The following CDH20 variants were observed in gnomAD, a reference collection of about 807,000 sequenced individuals.
The protein encoded by CDH20 is cadherin-20.
Under a neutral mutation model 74.2 loss-of-function variants are expected in CDH20, and 29 were observed. The ratio of observed to expected loss-of-function variants is 0.39; its 90% CI spans 0.29 to 0.53. The LOEUF is 0.53. Among genes scored for constraint, CDH20 ranks in the 20% least tolerant of loss-of-function variants. CDH20 has a pLI of 0.69. For synonymous variants in CDH20, 469 were observed against 405.4 expected, an observed-to-expected ratio of 1.16 and a Z score of -1.88; for missense variants, 988 against 1,048.3, an observed-to-expected ratio of 0.94 and a Z score of 0.79.
chr18:61,523,088 C>A (rs1912267550), intron 6 of CDH20, among the ~76,000 whole-genome samples: 1 of 152,142 alleles, frequency 6.6e-6, no homozygotes, highest in African/African-American at 2.4e-5. Flanking sequence ...TAAAGAGCTT[C>A]TGCACAGCAA....
chr18:61,534,201 G>A (rs906813301), intron 7 of CDH20, among the ~76,000 whole-genome samples: 3 of 152,190 alleles, frequency 2.0e-5, no homozygotes, highest in African/African-American at 7.2e-5. Context: ...ACCTCACAAC[G>A]TTAGAACGTC....
chr18:61,383,057 G>C (rs1160739101), intron 1 of CDH20, among the ~76,000 whole-genome samples: 4 of 152,138 alleles, frequency 2.6e-5, no homozygotes, highest in African/African-American at 9.7e-5. Flanking sequence ...CTATGACATA[G>C]AGTTATATTT....
intron 10 of CDH20, among the ~76,000 whole-genome samples, chr18:61,549,263 T>C (rs984554045): frequency 1.1e-4 from 16 of 152,310 alleles, no homozygotes; most frequent in East Asian, 9.6e-4. Context: ...ATCTAATAAT[T>C]TGACTAATCC....
intron 1 of CDH20, among the ~76,000 whole-genome samples, chr18:61,427,297 A>T (rs1913105448): frequency 6.6e-6 from 1 of 152,176 alleles, no homozygotes; most frequent in Non-Finnish European, 1.5e-5. Context: ...TATCCTCATG[A>T]CAACCCAGTG....
chr18:61,523,096 C>T (rs1380807110), intron 6 of CDH20, among the ~76,000 whole-genome samples: 2 of 151,848 alleles, frequency 1.3e-5, no homozygotes, highest in Middle Eastern at 3.4e-3. Context: ...TTCTGCACAG[C>T]AAAAGAAACT....
At chr18:61,473,271 G>GATGTATCAGA (rs375471922) in intron 1 of CDH20, among the ~76,000 whole-genome samples, 2 of 152,318 alleles carry the variant, frequency 1.3e-5, no homozygotes, top group East Asian at 1.9e-4. Flanking sequence ...GAATCCGTCT[G>GATGTATCAGA]ATGTATCAGA....
intron 1 of CDH20, among the ~76,000 whole-genome samples, chr18:61,336,760 T>C (rs997083377): frequency 2.1e-5 from 3 of 140,022 alleles, no homozygotes; most frequent in Admixed American, 7.5e-5. Context: ...AGGAAAAACG[T>C]AAAGAGACAC....
Position 61,491,766 on chromosome 18 carries a change from G to A in CDH20, c.246+967G>A, listed in dbSNP as rs577506255. Among the ~76,000 whole-genome samples the A allele has an allele frequency of 1.6e-4, 24 of 152,174 alleles. No individual in the cohort carries two copies. In the Middle Eastern group the frequency reaches 0.01, roughly 65 times the overall value. ...AAGCTGTGTTTTCATTGCTTCTCAA[G>A]ACCTCTCTACTGCCCAATCACACCT... On this transcript the variant is annotated intron_variant, in intron 2 of 11. Transcript: ENST00000262717.
At chr18:61,408,556 G>A (rs1002157346) in intron 1 of CDH20, among the ~76,000 whole-genome samples, 2 of 152,094 alleles carry the variant, frequency 1.3e-5, no homozygotes, top group Non-Finnish European at 2.9e-5. Context: ...CTTCATAGAG[G>A]TGGCCACAGA....
intron 1 of CDH20, among the ~76,000 whole-genome samples, chr18:61,414,296 T>C (rs1011794345): frequency 1.1e-4 from 16 of 152,200 alleles, no homozygotes; most frequent in East Asian, 1.9e-4. Flanking sequence ...TCTTGTTACA[T>C]GCAGCTTGAT....
At chr18:61,378,489 C>T (rs542254929) in intron 1 of CDH20, among the ~76,000 whole-genome samples, 40 of 152,290 alleles carry the variant, frequency 2.6e-4, no homozygotes, top group African/African-American at 8.7e-4. Context: ...TGCCTGCTCG[C>T]GTTGGACAGA....
At chr18:61,344,086 G>C (rs1910040896) in intron 1 of CDH20, among the ~76,000 whole-genome samples, 1 of 152,174 alleles carries the variant, frequency 6.6e-6, no homozygotes, top group African/African-American at 2.4e-5. Flanking sequence ...GGTTGACCTT[G>C]TAAACTACTC....
intron 1 of CDH20, among the ~76,000 whole-genome samples, chr18:61,418,681 T>C (rs1912780724): frequency 6.6e-6 from 1 of 152,056 alleles, no homozygotes; most frequent in African/African-American, 2.4e-5. Flanking sequence ...ATAAAGGCTA[T>C]ATAAATTCTA....
chr18:61,523,988 C>T (rs1912300337), intron 6 of CDH20, among the ~76,000 whole-genome samples: 1 of 152,014 alleles, frequency 6.6e-6, no homozygotes, highest in Non-Finnish European at 1.5e-5. Flanking sequence ...TGCAGCAAAC[C>T]ACCATGGCAC....
At chr18:61,518,131 T>C (rs1305955332) in intron 6 of CDH20, among the ~76,000 whole-genome samples, 2 of 152,128 alleles carry the variant, frequency 1.3e-5, no homozygotes, top group African/African-American at 4.8e-5. Flanking sequence ...CAGGGGCTTA[T>C]AGATAAAACT....
intron 1 of CDH20, among the ~76,000 whole-genome samples, chr18:61,442,368 A>T (rs1276891643): frequency 5.3e-5 from 1 of 18,904 alleles, no homozygotes; most frequent in African/African-American, 1.0e-4. Flanking sequence ...AGAAAAAGAA[A>T]AGAAAAAAAA....
chr18:61,386,055 C>A (rs1324090552), intron 1 of CDH20, among the ~76,000 whole-genome samples: 1 of 151,892 alleles, frequency 6.6e-6, no homozygotes, highest in Non-Finnish European at 1.5e-5. Flanking sequence ...TTATACCTAC[C>A]AAAATAGCAA....
chr18:61,397,231 C>T (rs545396625), intron 1 of CDH20, among the ~76,000 whole-genome samples: 1 of 152,216 alleles, frequency 6.6e-6, no homozygotes, highest in East Asian at 1.9e-4. Context: ...CCTTACTCCC[C>T]TTCCATCTAT....
intron 1 of CDH20, among the ~76,000 whole-genome samples, chr18:61,378,827 T>C (rs1294952785): frequency 1.3e-5 from 2 of 152,202 alleles, no homozygotes; most frequent in Non-Finnish European, 2.9e-5. Flanking sequence ...TGCTTCAGCT[T>C]AGATGTGACT....
Sources: allele counts gnomAD v4.1 joint callset (sites outside exome capture counted in the v4.1 genomes callset), GRCh38; gene constraint gnomAD v4.1.1; transcripts MANE v1.5; gene names NCBI Gene and HGNC (gene_info 2026-07-23, HGNC 2026-07-21).